Variants in ZNF638 observed in about 807,000 individuals in gnomAD.
The protein encoded by ZNF638 is zinc finger protein 638.
ZNF638 carries 46 observed loss-of-function variants against 195.6 expected under a neutral mutation model. The ratio of observed to expected loss-of-function variants is 0.24; its 90% confidence interval spans 0.19 to 0.30. ZNF638 has a LOEUF of 0.30. Among genes scored for constraint, ZNF638 ranks in the 10% least tolerant of loss-of-function variants. The probability of loss-of-function intolerance (pLI) is 1.00; values close to 1 mark genes in which losing one functional copy is unlikely to be tolerated. For synonymous variants in ZNF638, 845 were observed against 772.0 expected, an observed-to-expected ratio of 1.09 and a Z score of -1.57; for missense variants, 2,440 against 2,325.3, an observed-to-expected ratio of 1.05 and a Z score of -1.01.
chr2:71,332,144 C>G (rs960338993), intron 1 of ZNF638, among the ~76,000 whole-genome samples: 2 of 152,218 alleles, frequency 1.3e-5, no homozygotes, highest in African/African-American at 4.8e-5. Flanking sequence ...AAGGACCCTG[C>G]CTCGAGAAGA....
chr2:71,346,564 A>C (rs2078853400), intron 1 of ZNF638, among the ~76,000 whole-genome samples: 3 of 152,174 alleles, frequency 2.0e-5, no homozygotes, highest in Admixed American at 2.0e-4. Context: ...ATAGTTTAAC[A>C]AATACTTGAG....
At chr2:71,381,153 A>T (rs1349108980) in intron 10 of ZNF638, among the ~76,000 whole-genome samples, 1 of 152,100 alleles carries the variant, frequency 6.6e-6, no homozygotes, top group Non-Finnish European at 1.5e-5. Flanking sequence ...AAGTTTTGAG[A>T]CTAGTACTAG....
chr2:71,332,877 C>T (rs2078597277), intron 1 of ZNF638: 1 of 151,998 alleles, frequency 6.6e-6, no homozygotes, highest in Admixed American at 6.6e-5. Context: ...TAAAGGAGTC[C>T]CGATGAAAAA....
intron 9 of ZNF638, 97 bp from the exon 10 acceptor site, chr2:71,380,416 T>A: frequency 8.3e-7 from 1 of 1,200,824 alleles, no homozygotes. Context: ...CCAGTTGAAT[T>A]ATTTTAAACG....
At chr2:71,379,481 G>T (rs1276519078) in intron 8 of ZNF638, 2 of 152,128 alleles carry the variant, frequency 1.3e-5, no homozygotes, top group Non-Finnish European at 2.9e-5. Flanking sequence ...TTATCAGATT[G>T]ACCGTCACTG....
At chr2:71,344,831 T>G (rs921713998) in intron 1 of ZNF638, among the ~76,000 whole-genome samples, 2 of 152,200 alleles carry the variant, frequency 1.3e-5, no homozygotes, top group Non-Finnish European at 2.9e-5. Flanking sequence ...ATAGAAAGCT[T>G]GAAGTATAAA....
chr2:71,414,119 T>G (rs202046858), intron 20 of ZNF638, among the ~76,000 whole-genome samples: 1 of 145,136 alleles, frequency 6.9e-6, no homozygotes, highest in South Asian at 2.3e-4. Context: ...GGACTCTTTG[T>G]TTGGTAAACT....
intron 10 of ZNF638, among the ~76,000 whole-genome samples, chr2:71,394,734 AT>A (rs1486836355): frequency 3.3e-5 from 5 of 152,188 alleles, no homozygotes; most frequent in African/African-American, 1.2e-4. Context: ...AGCCATAGTC[AT>A]CCTAGCAACT....
chr2:71,426,864 T>C lies in ZNF638; in HGVS notation c.4995T>C (p.Val1665=). ...ISHSEPKDVT[V]LSVAEEQDLL... The stretch of plus-strand genomic sequence containing the variant: ...ACAGTGAACCTAAAGATGTTACTGT[T>C]CTGTCAGTGGCTGAAGAACAAGATC... Residue 1665 remains valine (V), a synonymous_variant, in exon 24 of 28, where the codon GTT becomes GTC. Coordinates refer to ENST00000264447, the MANE Select transcript of ZNF638 (RefSeq NM_014497.5). The C allele has an allele frequency of 6.2e-7, 1 of 1,614,190 alleles. No individual in the cohort carries two copies. Among genetic ancestry groups the C allele is most frequent in the Middle Eastern group, 1.6e-4 (1 of 6,062 alleles).
At chr2:71,337,996 A>G (rs964684590) in intron 1 of ZNF638, among the ~76,000 whole-genome samples, 2 of 152,204 alleles carry the variant, frequency 1.3e-5, no homozygotes, top group African/African-American at 4.8e-5. Flanking sequence ...GATGTAGATT[A>G]TATGTCCCTG....
intron 21 of ZNF638, 63 bp downstream of exon 21, chr2:71,418,702 T>TA: frequency 8.7e-7 from 1 of 1,148,010 alleles, no homozygotes; most frequent in Non-Finnish European, 1.2e-6. Context: ...TTTATTGCTG[T>TA]ATTTTATAGT....
At chr2:71,419,710 A>G (rs1279235977) in intron 21 of ZNF638, among the ~76,000 whole-genome samples, 2 of 152,178 alleles carry the variant, frequency 1.3e-5, no homozygotes, top group Non-Finnish European at 2.9e-5. Flanking sequence ...GTGCCTATGT[A>G]GTACTATATA....
At chr2:71,384,632 C>T (rs1253607591) in intron 10 of ZNF638, among the ~76,000 whole-genome samples, 1 of 152,138 alleles carries the variant, frequency 6.6e-6, no homozygotes, top group African/African-American at 2.4e-5. Flanking sequence ...AGTTGGAGGA[C>T]AGATTCTGAT....
At chr2:71,355,600 A>T (rs774133562) in intron 2 of ZNF638, 119 bp from the exon 3 acceptor site, 13 of 728,722 alleles carry the variant, frequency 1.8e-5, no homozygotes, top group Non-Finnish European at 2.9e-5. Context: ...GCCAAATGCT[A>T]TTTATGAGTA....
At chr2:71,359,580 T>G (rs992945866) in intron 3 of ZNF638, among the ~76,000 whole-genome samples, 1 of 152,190 alleles carries the variant, frequency 6.6e-6, no homozygotes, top group African/African-American at 2.4e-5. Context: ...CAAGAAACAA[T>G]GCCTCACCAA....
Position 71,402,098 on chromosome 2 carries a change from A to G in ZNF638, c.2829+11A>G. 2 of 1,599,770 alleles carry G rather than the reference A, an allele frequency of 1.3e-6. No individual in the cohort carries two copies. The highest frequency in any genetic ancestry group is 1.3e-5 in the African/African-American group (1 of 74,382). ...TCATCTCATAAAAAGGTAAGAGTTG[A>G]TTAATAGCTGTTCATATCCTCTGCA... On this transcript the variant is annotated intron_variant, in intron 16 of 27. Transcript: ENST00000264447.
intron 26 of ZNF638, among the ~76,000 whole-genome samples, chr2:71,432,867 A>G (rs2080694676): frequency 6.6e-6 from 1 of 152,172 alleles, no homozygotes; most frequent in South Asian, 2.1e-4. Flanking sequence ...GGCACATCCT[A>G]TAGGGGAGGT....
chr2:71,334,148 G>GGTAT (rs1373698190), intron 1 of ZNF638, among the ~76,000 whole-genome samples: 1 of 152,052 alleles, frequency 6.6e-6, no homozygotes, highest in Non-Finnish European at 1.5e-5. Flanking sequence ...CCCAGTGCCT[G>GGTAT]GTATGTATTA....
At chr2:71,405,992 TC>T (rs2080098287) in intron 18 of ZNF638, 135 bp from the exon 19 acceptor site, 7 of 961,996 alleles carry the variant, frequency 7.3e-6, no homozygotes, top group Middle Eastern at 3.0e-4. Flanking sequence ...CTCACTGTCT[TC>T]CCCCATGTAG....
Sources: gnomAD v4.1 joint callset for allele counts (sites outside exome capture counted in the v4.1 genomes callset) on GRCh38, gnomAD v4.1.1 for gene constraint, MANE v1.5 for transcripts, NCBI Gene and HGNC (gene_info 2026-07-23, HGNC 2026-07-21) for gene names.